The following THADA variants were observed in gnomAD, a reference collection of about 807,000 sequenced individuals.
THADA encodes THADA armadillo repeat containing.
Under a neutral mutation model 219.8 loss-of-function variants are expected in THADA, and 213 were observed. That is an observed-to-expected ratio of 0.97 (90% CI 0.87 to 1.09). The LOEUF (loss-of-function observed/expected upper bound fraction) is 1.09. Ranked by LOEUF, THADA falls within the 50% of genes least tolerant of loss-of-function variation. The pLI is 0.00. For missense variants in THADA, 2,956 were observed against 2,311.3 expected, an observed-to-expected ratio of 1.28 and a Z score of -5.72; for synonymous variants, 1,018 against 828.9, an observed-to-expected ratio of 1.23 and a Z score of -3.92.
chr2:43,539,977 T>C (rs1695093915), intron 21 of THADA, among the ~76,000 whole-genome samples: 1 of 152,196 alleles, frequency 6.6e-6, no homozygotes, highest in Admixed American at 6.6e-5. Flanking sequence ...ACACTTCCCT[T>C]AATTTGTTTT....
chr2:43,577,993 T>C (rs1278901771), intron 9 of THADA, among the ~76,000 whole-genome samples: 1 of 152,146 alleles, frequency 6.6e-6, no homozygotes, highest in African/African-American at 2.4e-5. Flanking sequence ...GTGATTATCT[T>C]TGTGAGATGG....
intron 31 of THADA, among the ~76,000 whole-genome samples, chr2:43,302,959 CTAAAAAAAAA>C (rs1034607977): frequency 2.0e-5 from 3 of 151,150 alleles, no homozygotes; most frequent in African/African-American, 7.3e-5. Flanking sequence ...CTAAAAAAAA[CTAAAAAAAAA>C]AGACAAATTT....
At chr2:43,526,563 T>A (rs1693193515) in intron 22 of THADA, among the ~76,000 whole-genome samples, 1 of 152,180 alleles carries the variant, frequency 6.6e-6, no homozygotes, top group Admixed American at 6.5e-5. Context: ...TATTCCTATA[T>A]GTTTTATAAA....
chr2:43,532,977 T>A (rs1257464516), intron 21 of THADA, among the ~76,000 whole-genome samples: 1 of 152,126 alleles, frequency 6.6e-6, no homozygotes, highest in Non-Finnish European at 1.5e-5. Flanking sequence ...AGAAAATTTT[T>A]GCAATCTATC....
rs138195733 is a variant in THADA, at chr2:43,269,932, G to T, written c.5296+9833C>A. Reference sequence around the variant, plus strand: ...GATTGCTGACTGCTGAGAGATGGCTGGTTTCACAGAACACTTAGTTCTTCC... The same window carrying T: ...GATTGCTGACTGCTGAGAGATGGCTTGTTTCACAGAACACTTAGTTCTTCC... On this transcript the variant is annotated intron_variant, in intron 36 of 37. Transcript: ENST00000405975. 1.6e-4 allele frequency among the ~76,000 whole-genome samples: 25 copies of T among 152,282 alleles called. No individual in the cohort carries two copies. The East Asian group carries it at 4.4e-3, about 27-fold the overall frequency.
chr2:43,248,861 A>C (rs951671884), intron 36 of THADA, among the ~76,000 whole-genome samples: 1 of 152,078 alleles, frequency 6.6e-6, no homozygotes, highest in African/African-American at 2.4e-5. Flanking sequence ...CAGTGTGTGC[A>C]GTGCTCTGGA....
At chr2:43,238,117 T>TA in intron 36 of THADA, among the ~76,000 whole-genome samples, 1 of 5,430 alleles carries the variant, frequency 1.8e-4, no homozygotes, top group Non-Finnish European at 3.6e-4. Flanking sequence ...AGATTCCATC[T>TA]CAAAAAAAAA....
chr2:43,271,214 G>A (rs920633630), intron 36 of THADA, among the ~76,000 whole-genome samples: 2 of 152,218 alleles, frequency 1.3e-5, no homozygotes, highest in African/African-American at 4.8e-5. Context: ...ATTCCATCCT[G>A]CATGATCCAG....
intron 22 of THADA, among the ~76,000 whole-genome samples, chr2:43,518,285 T>A (rs1467847810): frequency 6.6e-6 from 1 of 152,148 alleles, no homozygotes; most frequent in Non-Finnish European, 1.5e-5. Context: ...GAGGGTATAA[T>A]AACTAGAAAA....
intron 36 of THADA, 129 bp downstream of exon 36, chr2:43,279,636 A>C: frequency 8.2e-7 from 1 of 1,223,060 alleles, no homozygotes; most frequent in Non-Finnish European, 1.1e-6. Context: ...TTTCCCACTA[A>C]GATGGCAGAG....
intron 31 of THADA, among the ~76,000 whole-genome samples, chr2:43,295,429 A>T: frequency 6.6e-6 from 1 of 152,332 alleles, no homozygotes; most frequent in South Asian, 2.1e-4. Flanking sequence ...GAATCCTCTT[A>T]ATTGTATCAT....
At position 43,590,808 on chromosome 2, in the gene THADA, T is replaced by C. The variant is rs751299143; in HGVS notation, c.302+16A>G. ...CAACATTTATAACACCCAACTTCCC[T>C]TCCTTTTTTTCTTACCTTGCCAATA... On this transcript the variant is annotated intron_variant, in intron 4 of 37. Transcript: ENST00000405975. The C allele has an allele frequency of 3.7e-6, 6 of 1,602,064 alleles. No homozygotes were observed. The highest frequency in any genetic ancestry group is 2.2e-5 in the South Asian group (2 of 89,358).
intron 31 of THADA, among the ~76,000 whole-genome samples, chr2:43,298,883 G>C (rs573174757): frequency 6.6e-6 from 1 of 152,254 alleles, no homozygotes; most frequent in South Asian, 2.1e-4. Context: ...TGTGACTTGA[G>C]TATTAACTCT....
At chr2:43,364,956 T>C (rs1008069249) in intron 29 of THADA, among the ~76,000 whole-genome samples, 2 of 151,124 alleles carry the variant, frequency 1.3e-5, no homozygotes, top group African/African-American at 2.4e-5. Context: ...GTTAATCTCA[T>C]CTTTTTTTTT....
chr2:43,296,039 C>A (rs1453859116), intron 31 of THADA, among the ~76,000 whole-genome samples: 2 of 151,750 alleles, frequency 1.3e-5, no homozygotes, highest in Admixed American at 1.3e-4. Context: ...CCTGCCTCAG[C>A]CTCCTGAGTA....
chr2:43,397,942 C>G, intron 29 of THADA, 29 bp downstream of exon 29: 2 of 1,611,698 alleles, frequency 1.2e-6, no homozygotes, highest in Non-Finnish European at 1.7e-6. Flanking sequence ...TGGTGTTTGA[C>G]AGAAGTCACA....
chr2:43,237,397 ATTTTTT>A (rs70963388), intron 36 of THADA, among the ~76,000 whole-genome samples: 5 of 132,266 alleles, frequency 3.8e-5, no homozygotes, highest in East Asian at 4.5e-4. Context: ...AACTCATTTG[ATTTTTT>A]TTTTTTTTTT....
intron 30 of THADA, among the ~76,000 whole-genome samples, chr2:43,339,290 C>T (rs1193955730): frequency 6.6e-6 from 1 of 152,138 alleles, no homozygotes; most frequent in Non-Finnish European, 1.5e-5. Flanking sequence ...TTCATTCATT[C>T]ATTTTCTTGA....
At chr2:43,343,753 C>T (rs925771145) in intron 30 of THADA, 40 of 157,040 alleles carry the variant, frequency 2.5e-4, no homozygotes, top group African/African-American at 1.1e-3. Flanking sequence ...CTACAGCAAT[C>T]TCTAATCTCT....
Sources: allele counts gnomAD v4.1 joint callset (sites outside exome capture counted in the v4.1 genomes callset), GRCh38; gene constraint gnomAD v4.1.1; transcripts MANE v1.5; gene names NCBI Gene and HGNC (gene_info 2026-07-23, HGNC 2026-07-21).